SIPA1L2: variants seen among roughly 807,000 people sequenced by gnomAD.
The protein encoded by SIPA1L2 is signal induced proliferation associated 1 like 2.
SIPA1L2 carries 56 observed loss-of-function variants against 163.9 expected under a neutral mutation model. That is an observed-to-expected ratio of 0.34 (90% CI 0.28 to 0.43). The LOEUF (loss-of-function observed/expected upper bound fraction) is 0.43, where lower values mean the gene tolerates loss of function less well. Ranked by LOEUF, SIPA1L2 falls within the 20% of genes least tolerant of loss-of-function variation. SIPA1L2 has a pLI of 1.00. For synonymous variants in SIPA1L2, 877 were observed against 865.7 expected (o/e 1.01, Z -0.23); for missense variants, 1,974 against 2,193.5 (o/e 0.90, Z 2.00).
chr1:232,556,083 G>A (rs1558265928), intron 2 of SIPA1L2, among the ~76,000 whole-genome samples: 1 of 152,196 alleles, frequency 6.6e-6, no homozygotes, highest in Admixed American at 6.5e-5. Flanking sequence ...TAACATGAGT[G>A]CACACATTCT....
chr1:232,564,182 GTGTGTGT>G, intron 2 of SIPA1L2, among the ~76,000 whole-genome samples: 6 of 87,950 alleles, frequency 6.8e-5, no homozygotes, highest in Admixed American at 2.5e-4. Context: ...GTGTGTGTGT[GTGTGTGT>G]TTCATCATGT....
intron 7 of SIPA1L2, among the ~76,000 whole-genome samples, chr1:232,471,767 C>G (rs73095111): frequency 0.01 from 1,591 of 152,284 alleles, 31 homozygotes; most frequent in African/African-American, 0.036. Flanking sequence ...AATTTGTACT[C>G]TCTCTCCTTT....
rs1432531455 is a variant in SIPA1L2 at position 232,491,075 on chromosome 1, A to T, written c.1618-13T>A. 1 of 1,607,518 alleles carries T rather than the reference A, an allele frequency of 6.2e-7. No homozygotes were observed. The highest frequency in any genetic ancestry group is 1.3e-5 in the African/African-American group (1 of 74,892). ...TCAGTGTTGTAAGCTGCAGTGACAA[A>T]ACATAAGACTTCGGTTAATATTGAT... On this transcript the variant is annotated splice_polypyrimidine_tract_variant and intron_variant, in intron 4 of 22. Transcript: ENST00000674635.
chr1:232,406,170 C>T (rs1415703958), intron 19 of SIPA1L2, among the ~76,000 whole-genome samples: 2 of 152,178 alleles, frequency 1.3e-5, no homozygotes, highest in Non-Finnish European at 2.9e-5. Context: ...CAGCTTATTT[C>T]TGATGATAAA....
At chr1:232,545,126 A>G (rs1191576909) in intron 2 of SIPA1L2, among the ~76,000 whole-genome samples, 1 of 152,222 alleles carries the variant, frequency 6.6e-6, no homozygotes, top group African/African-American at 2.4e-5. Context: ...ATATTTTTTA[A>G]AATTAAAAAA....
At chr1:232,505,601 C>G (rs923496191) in intron 3 of SIPA1L2, among the ~76,000 whole-genome samples, 13 of 152,190 alleles carry the variant, frequency 8.5e-5, no homozygotes, top group African/African-American at 3.1e-4. Flanking sequence ...TGTATGGGAA[C>G]TGTGACTGTC....
In SIPA1L2 at chr1:232,514,378, C is replaced by G. The variant is rs369266455; in HGVS notation, c.962G>C (p.Arg321Pro). The G allele has an allele frequency of 5.6e-6, 9 of 1,613,640 alleles. No individual in the cohort carries two copies. The Admixed American group carries it at 1.5e-4, about 27-fold the overall frequency. Residue 321 changes from arginine (R) to proline (P), a missense_variant, in exon 3 of 23, where the codon CGC becomes CCC. Physicochemically the swap from Arg to Pro is moderately radical, Grantham distance 103. Transcript: ENST00000674635. ...LEESRLERGIRPWNCQRCFAH... is the reference protein window; with the variant it reads ...LEESRLERGIPPWNCQRCFAH... ...AAAACATCGCTGACAATTCCAAGGG[C>G]GAATGCCCCTCTCCAGTCGGCTCTC...
intron 3 of SIPA1L2, among the ~76,000 whole-genome samples, chr1:232,511,013 G>A (rs1558233444): frequency 6.6e-6 from 1 of 152,098 alleles, no homozygotes; most frequent in Non-Finnish European, 1.5e-5. Flanking sequence ...TTAAGAATTG[G>A]CAGCCATGGC....
rs974509928 is a variant in SIPA1L2 at position 232,496,423 on chromosome 1, T to C, written c.1484-2763A>G. The stretch of plus-strand genomic sequence containing the variant: ...AAGGATACATTTCTCAGAACATATC[T>C]CTGTTCTTAAGCGATGCATGGCTGT... On this transcript the variant is annotated intron_variant, in intron 3 of 22. Transcript: ENST00000674635. Among the ~76,000 whole-genome samples the C allele has an allele frequency of 7.0e-4, 107 of 152,172 alleles. 2 individuals carry two copies. The highest frequency in any genetic ancestry group is 1.6e-4 in the Non-Finnish European group (11 of 68,032).
chr1:232,402,006 A>G (rs903259536), intron 22 of SIPA1L2, among the ~76,000 whole-genome samples: 2 of 152,234 alleles, frequency 1.3e-5, no homozygotes, highest in Admixed American at 6.5e-5. Context: ...CTGATTCAAG[A>G]CAGAGGACAG....
At chr1:232,603,611 A>C (rs1661728191) in intron 1 of SIPA1L2, among the ~76,000 whole-genome samples, 1 of 152,068 alleles carries the variant, frequency 6.6e-6, no homozygotes, top group Admixed American at 6.5e-5. Context: ...CAGATGACGA[A>C]AGCCATGGGT....
intron 19 of SIPA1L2, among the ~76,000 whole-genome samples, chr1:232,409,630 T>A (rs1660834711): frequency 6.6e-6 from 1 of 152,190 alleles, no homozygotes; most frequent in Non-Finnish European, 1.5e-5. Flanking sequence ...TAAGCCCCCA[T>A]GTGAATAAAT....
At chr1:232,565,518 G>C (rs1558272303) in intron 2 of SIPA1L2, among the ~76,000 whole-genome samples, 1 of 152,164 alleles carries the variant, frequency 6.6e-6, no homozygotes, top group East Asian at 1.9e-4. Flanking sequence ...ACAGCAAGAG[G>C]AGCTGCTTTA....
At chr1:232,513,776 C>G (rs1210801993) in intron 3 of SIPA1L2, 81 bp downstream of exon 3, 2 of 1,452,548 alleles carry the variant, frequency 1.4e-6, no homozygotes, top group African/African-American at 2.8e-5. Flanking sequence ...GGAAGGTGCT[C>G]CAACACAAAG....
At chr1:232,549,472 A>G (rs1350210462) in intron 2 of SIPA1L2, among the ~76,000 whole-genome samples, 1 of 152,252 alleles carries the variant, frequency 6.6e-6, no homozygotes, top group East Asian at 1.9e-4. Flanking sequence ...GAGTGTAAGC[A>G]GTTGGTAGAG....
At chr1:232,489,672 C>G (rs1186206656) in intron 5 of SIPA1L2, among the ~76,000 whole-genome samples, 1 of 152,162 alleles carries the variant, frequency 6.6e-6, no homozygotes, top group African/African-American at 2.4e-5. Context: ...CAACTTTAAC[C>G]ACAGTATTAT....
intron 1 of SIPA1L2, among the ~76,000 whole-genome samples, chr1:232,588,869 G>A (rs772919500): frequency 1.3e-5 from 2 of 152,148 alleles, no homozygotes; most frequent in Non-Finnish European, 2.9e-5. Flanking sequence ...TTTCACGAAA[G>A]TATTATTTAT....
chr1:232,483,797 T>C lies in SIPA1L2; in HGVS notation c.1976A>G (p.Asn659Ser), dbSNP rs1278175758. ...CACACAAACATTAAACTTACTCTTA[T>C]TGTCTAGCTGAGCTCGATATTTACT... ...GFSKYRAQLDNKTDSTGTHSL... is the reference protein window; with the variant it reads ...GFSKYRAQLDSKTDSTGTHSL... Residue 659 changes from asparagine (N) to serine (S), a missense_variant, in exon 6 of 23, where the codon AAT (asparagine) becomes AGT (serine). Physicochemically the swap from Asn to Ser is conservative, Grantham distance 46 (BLOSUM62 1). Coordinates refer to ENST00000674635, the MANE Select transcript of SIPA1L2 (RefSeq NM_020808.5). 3.7e-6 allele frequency: 6 copies of C among 1,613,730 alleles called. No individual in the cohort carries two copies. Among genetic ancestry groups the C allele is most frequent in the African/African-American group, 1.3e-5 (1 of 74,890 alleles).
Position 232,597,493 on chromosome 1 carries a change from C to T in SIPA1L2, c.-318-23271G>A, listed in dbSNP as rs565852553. Among the ~76,000 whole-genome samples, 510 of 147,932 alleles carry T rather than the reference C, an allele frequency of 3.4e-3. 1 individual carries two copies. Among genetic ancestry groups the T allele is most frequent in the Non-Finnish European group, 4.6e-3 (306 of 67,164 alleles). Reference sequence around the variant, plus strand: ...GAGATCGAGACCATCCTGGCTAACACGGTGAAACCCCGTCTCTACTAAAAA... The same window carrying T: ...GAGATCGAGACCATCCTGGCTAACATGGTGAAACCCCGTCTCTACTAAAAA... On this transcript the variant is annotated intron_variant, in intron 1 of 22. Transcript: ENST00000674635.
Sources: gnomAD v4.1 joint callset for allele counts (sites outside exome capture counted in the v4.1 genomes callset) on GRCh38, gnomAD v4.1.1 for gene constraint, MANE v1.5 for transcripts, NCBI Gene and HGNC (gene_info 2026-07-23, HGNC 2026-07-21) for gene names.